STARD5: variants seen among roughly 807,000 people sequenced by gnomAD.
STARD5 encodes the protein stAR-related lipid transfer protein 5.
In STARD5, 26 loss-of-function variants were observed where a neutral mutation model predicts 24.6. That is an observed-to-expected ratio of 1.06 (90% CI 0.77 to 1.47). The LOEUF is 1.47. STARD5 is among the 40% of genes most tolerant of loss of function. STARD5 has a pLI of 0.00. For synonymous variants in STARD5, 101 were observed against 99.7 expected, an observed-to-expected ratio of 1.01 and a Z score of -0.07; for missense variants, 254 against 270.8, an observed-to-expected ratio of 0.94 and a Z score of 0.44.
In STARD5 at chr15:81,322,413, T is replaced by C. The variant is rs775903357; in HGVS notation, c.277A>G (p.Thr93Ala). The C allele has an allele frequency of 3.7e-6, 6 of 1,614,228 alleles. No homozygotes were observed. The East Asian group carries it at 1.1e-4, about 30-fold the overall frequency. ...VTGFEIIQSI[T>A]DTLCVSRTST... ...ACATGCTTGGAAAGACTTACGTCAG[T>C]GATGCTTTGGATAATTTCAAAACCG... The change falls in exon 3 of 6, where the codon ACT becomes GCT. Residue 93 changes from threonine (T) to alanine (A), a missense_variant. Coordinates refer to ENST00000302824, the MANE Select transcript of STARD5 (RefSeq NM_181900.3).
intron 3 of STARD5, among the ~76,000 whole-genome samples, chr15:81,321,153 TC>T (rs1901186942): frequency 6.6e-6 from 1 of 152,224 alleles, no homozygotes; most frequent in South Asian, 2.1e-4. Context: ...AAAGTTTGTA[TC>T]TTTTCATGGG....
rs779223386 is a variant in STARD5, at chr15:81,322,577, A to T, written c.150-37T>A. On this transcript the variant is annotated intron_variant, in intron 2 of 5. Coordinates refer to ENST00000302824, the MANE Select transcript of STARD5 (RefSeq NM_181900.3). ...AAAGGAATTTGACCCCAACGCATCA[A>T]TCAAACTTGTTATCTTGAGATTGTA... 1.9e-6 allele frequency: 3 copies of T among 1,613,564 alleles called. No individual in the cohort carries two copies. The Admixed American group carries it at 5.0e-5, about 27-fold the overall frequency.
intron 3 of STARD5, 136 bp from the exon 4 acceptor site, chr15:81,319,592 C>T (rs1281998069): frequency 1.5e-5 from 11 of 756,538 alleles, no homozygotes; most frequent in African/African-American, 5.2e-5. Flanking sequence ...AGATCCAGAG[C>T]GAGTCTTCCC....
intron 5 of STARD5, among the ~76,000 whole-genome samples, chr15:81,317,360 C>T (rs34057707): frequency 0.13 from 19,144 of 152,036 alleles, 1,789 homozygotes; most frequent in South Asian, 0.35. Flanking sequence ...CTGTCAGACC[C>T]GGCACCACTG....
intron 3 of STARD5, among the ~76,000 whole-genome samples, chr15:81,320,028 C>G (rs1901165066): frequency 6.6e-6 from 1 of 152,190 alleles, no homozygotes. Context: ...TACCTTGAAC[C>G]TCACTCAATC....
chr15:81,313,667 T>G, intron 5 of STARD5: 1 of 275,504 alleles, frequency 3.6e-6, no homozygotes, highest in Non-Finnish European at 6.8e-6. Context: ...AAAAACCCAG[T>G]ACCCTGCTGC....
intron 5 of STARD5, among the ~76,000 whole-genome samples, chr15:81,316,337 T>C (rs1480710794): frequency 1.3e-5 from 2 of 152,204 alleles, no homozygotes; most frequent in Non-Finnish European, 2.9e-5. Flanking sequence ...GTTTTGTCTG[T>C]CTCCTCCTGC....
intron 3 of STARD5, among the ~76,000 whole-genome samples, chr15:81,321,282 G>A (rs1901189359): frequency 6.6e-6 from 1 of 152,022 alleles, no homozygotes; most frequent in African/African-American, 2.4e-5. Context: ...TTATTTTAAT[G>A]AATTACACTC....
chr15:81,324,118 T>C lies in STARD5; in HGVS notation c.-19A>G. On this transcript the variant is annotated 5_prime_UTR_variant, in exon 1 of 6. Transcript: ENST00000302824. ...GGTCCATTGCGTCGGGAGCTGCGCT[T>C]AGCTGCGGGGTCGCGGGTGTTATGA... 6 of 1,352,028 alleles carry C rather than the reference T, an allele frequency of 4.4e-6. No individual in the cohort carries two copies. The highest frequency in any genetic ancestry group is 5.8e-6 in the Non-Finnish European group (6 of 1,041,858). The allele number at this position is 1,352,028 out of a possible 1,614,324, so 83.8% of individuals were successfully genotyped here. A position where few individuals can be genotyped will look rare whatever the true frequency, so the allele number is the denominator to read the frequency against.
At position 81,311,519 on chromosome 15, in the gene STARD5, C is replaced by G. The variant is rs182838259; in HGVS notation, c.*1737G>C. On this transcript the variant is annotated 3_prime_UTR_variant, in exon 6 of 6. Transcript: ENST00000302824. ...AACCTGATGCAGTCACGTGGAGGAG[C>G]AGTGCAGGCACAGTATGTCCCATAG... 2 of 152,346 alleles carry G rather than the reference C, an allele frequency of 1.3e-5. No individual in the cohort carries two copies. The highest frequency in any genetic ancestry group is 2.9e-5 in the Non-Finnish European group (2 of 68,044). 9.4% of individuals were successfully genotyped at this position (152,346 alleles called of 1,614,324 possible). A position where few individuals can be genotyped will look rare whatever the true frequency, so the allele number is the denominator to read the frequency against.
At chr15:81,314,904 A>AC (rs1901045518) in intron 5 of STARD5, among the ~76,000 whole-genome samples, 3 of 149,848 alleles carry the variant, frequency 2.0e-5, no homozygotes, top group Non-Finnish European at 3.0e-5. Flanking sequence ...AAAAAAAAAA[A>AC]AAAAAAAAAA....
At position 81,312,658 on chromosome 15, in the gene STARD5, AT is replaced by A. The variant is rs1206374179; in HGVS notation, c.*597del. ...AACAAATTCATCAAATGGAAGACACATTGAAAGTGTTTTTCCTTAATGCTTA... is the reference window on the plus strand; with the variant it reads ...AACAAATTCATCAAATGGAAGACACATGAAAGTGTTTTTCCTTAATGCTTA... On this transcript the variant is annotated 3_prime_UTR_variant, in exon 6 of 6. Coordinates refer to ENST00000302824, the MANE Select transcript of STARD5 (RefSeq NM_181900.3). The A allele has an allele frequency of 6.6e-6, 1 of 152,270 alleles. No homozygotes were observed. The highest frequency in any genetic ancestry group is 2.4e-5 in the African/African-American group (1 of 41,480). The allele number at this position is 152,270 out of a possible 1,614,324, so 9.4% of individuals were successfully genotyped here.
At chr15:81,323,603 T>C (rs899839471) in intron 1 of STARD5, 13 of 1,360,972 alleles carry the variant, frequency 9.6e-6, no homozygotes, top group Non-Finnish European at 1.2e-5. Flanking sequence ...GATCAGACTT[T>C]ACTGGATTTA....
chr15:81,317,194 C>CCAAA (rs1901102182), intron 5 of STARD5, among the ~76,000 whole-genome samples: 1 of 106,678 alleles, frequency 9.4e-6, no homozygotes, highest in African/African-American at 3.3e-5. Context: ...AACTCCGTCT[C>CCAAA]AAAAAAAAAA....
intron 4 of STARD5, 91 bp downstream of exon 4, chr15:81,319,248 G>A: frequency 8.6e-7 from 1 of 1,168,688 alleles, no homozygotes; most frequent in Non-Finnish European, 1.3e-6. Context: ...GTGATTTCTG[G>A]TTGCTTGGCT....
rs746457885 is a variant in STARD5 at position 81,322,395 on chromosome 15, T to G, written c.282+13A>C. On this transcript the variant is annotated intron_variant, in intron 3 of 5. Transcript: ENST00000302824. ...AGACACTATCTAGAGATAACATGCT[T>G]GGAAAGACTTACGTCAGTGATGCTT... 6.2e-7 allele frequency: 1 copy of G among 1,614,182 alleles called. No individual in the cohort carries two copies. Among genetic ancestry groups the G allele is most frequent in the South Asian group, 1.1e-5 (1 of 91,080 alleles).
chr15:81,322,828 GA>G (rs1893315837), intron 2 of STARD5, 70 bp downstream of exon 2: 4 of 1,582,312 alleles, frequency 2.5e-6, no homozygotes, highest in East Asian at 2.2e-5. Context: ...AATATTTTAG[GA>G]GGCAGGCCCA....
chr15:81,313,315 G>A lies in STARD5; in HGVS notation c.583C>T (p.Arg195Cys), dbSNP rs138188091. 2,342 of 1,578,376 alleles carry A rather than the reference G, an allele frequency of 1.5e-3. 59 individuals carry two copies. The Admixed American group carries it at 0.038, about 25-fold the overall frequency. The change falls in exon 6 of 6, where the codon CGC becomes TGC. Residue 195 changes from arginine to cysteine, a missense_variant. Arg to Cys is a radical substitution (Grantham distance 180, BLOSUM62 -3). Coordinates refer to ENST00000302824, the MANE Select transcript of STARD5 (RefSeq NM_181900.3). ...TTGGCATAAAACCGGGTCATGCTGC[G>A]GGGGAAGAAGGAGTCCACCACGTTC... The part of the protein sequence containing the change: ...PQNVVDSFFP[R>C]SMTRFYANLQ...
In STARD5 at chr15:81,324,039, G is replaced by T. The variant is rs201716778; in HGVS notation, c.61C>A (p.Arg21=). The change falls in exon 1 of 6, where the codon CGG becomes AGG. Residue 21 remains arginine (R), a synonymous_variant. Coordinates refer to ENST00000302824, the MANE Select transcript of STARD5 (RefSeq NM_181900.3). ...ATCTTCCAGCCTGCTGTGTCCCGCCGGTACTGGAGCATCTTCTCGGCCACA... is the reference window on the plus strand; with the variant it reads ...ATCTTCCAGCCTGCTGTGTCCCGCCTGTACTGGAGCATCTTCTCGGCCACA... ...EAVAEKMLQY[R]RDTAGWKICR... 5.6e-6 allele frequency: 9 copies of T among 1,598,990 alleles called. No homozygotes were observed. In the Admixed American group the frequency reaches 1.5e-4, roughly 27 times the overall value.
Sources: gnomAD v4.1 joint callset for allele counts (sites outside exome capture counted in the v4.1 genomes callset) on GRCh38, gnomAD v4.1.1 for gene constraint, MANE v1.5 for transcripts, NCBI Gene and HGNC (gene_info 2026-07-23, HGNC 2026-07-21) for gene names.